Variants in CFAP47 observed in about 807,000 individuals in gnomAD.
CFAP47 encodes cilia- and flagella-associated protein 47.
Under a neutral mutation model 148.1 loss-of-function variants are expected in CFAP47, and 29 were observed. That is an observed-to-expected ratio of 0.20 (90% CI 0.15 to 0.27). The LOEUF (loss-of-function observed/expected upper bound fraction) is 0.27, where lower values mean the gene tolerates loss of function less well. CFAP47 is among the 10% of genes least tolerant of loss of function. CFAP47 has a pLI of 1.00. For missense variants in CFAP47, 1,872 were observed against 1,697.5 expected, an observed-to-expected ratio of 1.10 and a Z score of -1.81; for synonymous variants, 664 against 577.3, an observed-to-expected ratio of 1.15 and a Z score of -2.15.
At chrX:36,358,816 T>C (rs1324894887) in intron 60 of CFAP47, among the ~76,000 whole-genome samples, 1 of 111,725 alleles carries the variant, frequency 9.0e-6, no homozygotes, top group Non-Finnish European at 1.9e-5. Flanking sequence ...GCTGCTTTGA[T>C]GAGTAGAAGG....
At chrX:36,380,569 G>A (rs1212149363) in intron 63 of CFAP47, among the ~76,000 whole-genome samples, 4 of 111,365 alleles carry the variant, frequency 3.6e-5, no homozygotes, top group Admixed American at 9.5e-5. Flanking sequence ...TCAGCCTCCC[G>A]AGTAGCAGGG....
At chrX:36,130,053 C>G (rs1021782379) in intron 33 of CFAP47, among the ~76,000 whole-genome samples, 1 of 111,148 alleles carries the variant, frequency 9.0e-6, no homozygotes, top group African/African-American at 3.3e-5. Flanking sequence ...TTGGCACCAA[C>G]TTCTGTAACT....
intron 33 of CFAP47, among the ~76,000 whole-genome samples, chrX:36,125,188 A>T (rs1938814188): frequency 8.9e-6 from 1 of 112,055 alleles, no homozygotes; most frequent in South Asian, 3.7e-4. Flanking sequence ...CCTCACAAGG[A>T]CAGAAGCCAC....
intron 26 of CFAP47, 126 bp from the exon 27 acceptor site, chrX:36,065,513 CAAAG>C: frequency 2.3e-6 from 1 of 430,624 alleles, no homozygotes; most frequent in Non-Finnish European, 4.1e-6. Context: ...GTTAAAAAAA[CAAAG>C]TAAGTAGAAA....
chrX:36,152,777 A>G (rs886938094), intron 37 of CFAP47, among the ~76,000 whole-genome samples: 21 of 111,240 alleles, frequency 1.9e-4, no homozygotes, highest in African/African-American at 6.9e-4. Flanking sequence ...TAGCTGTTTA[A>G]TTATTGTTTT....
chrX:35,990,660 A>G (rs1213113434), intron 16 of CFAP47, among the ~76,000 whole-genome samples: 4 of 111,257 alleles, frequency 3.6e-5, no homozygotes, highest in South Asian at 7.5e-4. Flanking sequence ...GCACATGGTA[A>G]CACCTTGTAC....
chrX:35,932,095 T>C, intron 2 of CFAP47, among the ~76,000 whole-genome samples: 1 of 104,006 alleles, frequency 9.6e-6, no homozygotes, highest in East Asian at 3.1e-4. Flanking sequence ...GTTGCCCAGG[T>C]TGGAGTTCAG....
intron 45 of CFAP47, among the ~76,000 whole-genome samples, chrX:36,208,971 A>G (rs182867497): frequency 4.2e-4 from 47 of 111,889 alleles, no homozygotes; most frequent in Non-Finnish European, 7.1e-4. Context: ...TATCTCCCCC[A>G]AAATAAAAAC....
chrX:36,103,519 A>AC (rs1938414053), intron 32 of CFAP47, among the ~76,000 whole-genome samples: 1 of 102,970 alleles, frequency 9.7e-6, no homozygotes, highest in African/African-American at 3.5e-5. Flanking sequence ...AAAAAAAAAA[A>AC]AAAAAAAAAA....
chrX:36,082,986 A>C (rs953131789), intron 29 of CFAP47, among the ~76,000 whole-genome samples: 3 of 111,350 alleles, frequency 2.7e-5, no homozygotes, highest in African/African-American at 9.8e-5. Flanking sequence ...AATCTTAGCT[A>C]TTATTAATAA....
intron 49 of CFAP47, among the ~76,000 whole-genome samples, chrX:36,252,840 G>A (rs980423904): frequency 8.9e-6 from 1 of 111,733 alleles, no homozygotes; most frequent in Admixed American, 9.5e-5. Flanking sequence ...ATCAATTTCA[G>A]TTTCCTGTTC....
chrX:36,124,630 G>T (rs1938804414), intron 33 of CFAP47, among the ~76,000 whole-genome samples: 1 of 111,392 alleles, frequency 9.0e-6, no homozygotes, highest in Non-Finnish European at 1.9e-5. Flanking sequence ...GCCCCACACT[G>T]CAACTGCCAA....
chrX:36,198,079 A>G (rs1347050017), intron 42 of CFAP47, among the ~76,000 whole-genome samples: 3 of 111,496 alleles, frequency 2.7e-5, no homozygotes, highest in African/African-American at 9.8e-5. Context: ...GTCAAACTCT[A>G]AAATATTTGG....
chrX:36,142,847 C>G (rs1389064146), intron 35 of CFAP47, among the ~76,000 whole-genome samples: 1 of 109,968 alleles, frequency 9.1e-6, no homozygotes, highest in East Asian at 2.9e-4. Context: ...GAGTGTTCTG[C>G]TATTAGTACT....
At chrX:35,959,477 T>C (rs925943531) in intron 8 of CFAP47, among the ~76,000 whole-genome samples, 27 of 112,236 alleles carry the variant, frequency 2.4e-4, no homozygotes, top group African/African-American at 8.7e-4. Flanking sequence ...AAGTTTTGTT[T>C]CCATGTTTTT....
intron 1 of CFAP47, among the ~76,000 whole-genome samples, chrX:35,924,592 C>CAT (rs1569202438): frequency 3.0e-4 from 32 of 106,133 alleles, no homozygotes; most frequent in African/African-American, 9.8e-4. Flanking sequence ...CATATATACA[C>CAT]ACGTGCATGT....
intron 45 of CFAP47, among the ~76,000 whole-genome samples, chrX:36,226,071 T>A (rs187914892): frequency 1.1e-4 from 12 of 111,804 alleles, no homozygotes; most frequent in Non-Finnish European, 2.3e-4. Flanking sequence ...AAAACAGATT[T>A]TTTTGTTCGT....
intron 33 of CFAP47, among the ~76,000 whole-genome samples, chrX:36,114,565 G>C (rs1938607914): frequency 9.0e-6 from 1 of 111,240 alleles, no homozygotes; most frequent in South Asian, 3.8e-4. Context: ...GTTTGATTGT[G>C]GTATAAGGTG....
intron 39 of CFAP47, among the ~76,000 whole-genome samples, chrX:36,163,955 C>T (rs1445088904): frequency 8.9e-6 from 1 of 111,869 alleles, no homozygotes; most frequent in Non-Finnish European, 1.9e-5. Context: ...GCTAACCCAC[C>T]AGTTATTTCG....
Sources: gnomAD v4.1 joint callset for allele counts (sites outside exome capture counted in the v4.1 genomes callset) on GRCh38, gnomAD v4.1.1 for gene constraint, MANE v1.5 for transcripts, NCBI Gene and HGNC (gene_info 2026-07-23, HGNC 2026-07-21) for gene names.